SNX25: variants seen among roughly 807,000 people sequenced by gnomAD.
SNX25 encodes the protein sorting nexin 25, also known as sorting nexin-25.
Under a neutral mutation model 113.7 loss-of-function variants are expected in SNX25, and 62 were observed. That is an observed-to-expected ratio of 0.55 (90% CI 0.44 to 0.67). The LOEUF (loss-of-function observed/expected upper bound fraction) is 0.67. SNX25 is among the 30% of genes least tolerant of loss of function. The pLI, the probability that SNX25 is intolerant of heterozygous loss-of-function variation, is 0.00. For synonymous variants in SNX25, 421 were observed against 436.2 expected, an observed-to-expected ratio of 0.97 and a Z score of 0.43; for missense variants, 1,014 against 1,161.0, an observed-to-expected ratio of 0.87 and a Z score of 1.84.
chr4:185,298,474 A>AT (rs201560783), intron 6 of SNX25, among the ~76,000 whole-genome samples: 10 of 151,982 alleles, frequency 6.6e-5, no homozygotes, highest in South Asian at 2.1e-4. Context: ...AAGTCATGTG[A>AT]TTTTTTTTAA....
chr4:185,267,968 TCA>T (rs1748374186), intron 5 of SNX25, among the ~76,000 whole-genome samples: 2 of 152,200 alleles, frequency 1.3e-5, no homozygotes, highest in Admixed American at 1.3e-4. Flanking sequence ...GTCTTCATCC[TCA>T]TCTCTTCACA....
chr4:185,232,967 G>A lies in SNX25; in HGVS notation c.430-14327G>A, dbSNP rs1233249566. On this transcript the variant is annotated intron_variant, in intron 1 of 18. Coordinates refer to ENST00000652585, the MANE Select transcript of SNX25 (RefSeq NM_001378034.2). The surrounding 1 kb of genome is among the most constrained non-coding windows in gnomAD (Gnocchi z 4.4). The stretch of plus-strand genomic sequence containing the variant: ...TGGTGGTATGGCTCATTAGCTACCC[G>A]ATTATGAGTTTCCATCAAAAATAAA... Among the ~76,000 whole-genome samples the A allele has an allele frequency of 6.6e-6, 1 of 152,108 alleles. No homozygotes were observed. The highest frequency in any genetic ancestry group is 1.5e-5 in the Non-Finnish European group (1 of 68,020).
At chr4:185,312,829 T>C (rs1487543039) in intron 7 of SNX25, among the ~76,000 whole-genome samples, 1 of 152,186 alleles carries the variant, frequency 6.6e-6, no homozygotes, top group African/African-American at 2.4e-5. Flanking sequence ...CTGGCCTTGA[T>C]TTGTTCTTTT....
At chr4:185,212,760 G>A (rs1738154000) in intron 1 of SNX25, among the ~76,000 whole-genome samples, 1 of 152,210 alleles carries the variant, frequency 6.6e-6, no homozygotes. Context: ...ACACAGGTCA[G>A]CTAACATATG....
At chr4:185,214,170 C>T (rs550553447) in intron 1 of SNX25, among the ~76,000 whole-genome samples, 1 of 152,112 alleles carries the variant, frequency 6.6e-6, no homozygotes, top group South Asian at 2.1e-4. Context: ...CTAACATGCC[C>T]AGCCCTTAGA....
Position 185,264,599 on chromosome 4 carries a change from T to C in SNX25, c.893T>C (p.Leu298Pro). The change falls in exon 4 of 19, where the codon CTC (leucine) becomes CCC (proline). Residue 298 changes from leucine to proline, a missense_variant. Physicochemically the swap from Leu to Pro is moderately conservative, Grantham distance 98. Coordinates refer to ENST00000652585, the MANE Select transcript of SNX25 (RefSeq NM_001378034.2). ...LSLRIMLAEI[L>P]TTKVLKPVVE... Reference sequence around the variant, plus strand: ...TTACGTATAATGCTTGCAGAAATTCTCACAACAAAAGGTAGACTTATACAG... The same window carrying C: ...TTACGTATAATGCTTGCAGAAATTCCCACAACAAAAGGTAGACTTATACAG... 6.2e-7 allele frequency: 1 copy of C among 1,613,980 alleles called. No homozygotes were observed. The highest frequency in any genetic ancestry group is 1.1e-5 in the South Asian group (1 of 91,076).
chr4:185,209,115 G>T (rs1270342527), upstream of SNX25, among the ~76,000 whole-genome samples: 1 of 152,150 alleles, frequency 6.6e-6, no homozygotes, highest in Non-Finnish European at 1.5e-5. The surrounding 1 kb of genome is among the most constrained non-coding windows in gnomAD (Gnocchi z 5.2). Flanking sequence ...GGAATTGCAG[G>T]CTTCACTTAC....
intron 6 of SNX25, among the ~76,000 whole-genome samples, chr4:185,305,002 T>A (rs141137779): frequency 6.6e-6 from 1 of 152,220 alleles, no homozygotes; most frequent in African/African-American, 2.4e-5. Context: ...GGGTGCGGCC[T>A]TGTCCTCTGT....
At chr4:185,231,581 G>C (rs1171686380) in intron 1 of SNX25, among the ~76,000 whole-genome samples, 1 of 151,754 alleles carries the variant, frequency 6.6e-6, no homozygotes, top group African/African-American at 2.4e-5. Context: ...CTTGATGGTG[G>C]GCGCCTGTAG....
chr4:185,282,267 T>C (rs1353906370), intron 5 of SNX25, among the ~76,000 whole-genome samples: 2 of 152,126 alleles, frequency 1.3e-5, no homozygotes, highest in Non-Finnish European at 2.9e-5. Flanking sequence ...GTTCAAGCGA[T>C]TCCCCTGCCT....
chr4:185,325,590 G>A (rs991392186), intron 9 of SNX25, among the ~76,000 whole-genome samples: 1 of 151,514 alleles, frequency 6.6e-6, no homozygotes, highest in Admixed American at 6.6e-5. Context: ...TATTATATTG[G>A]TTTAATTATT....
intron 2 of SNX25, among the ~76,000 whole-genome samples, chr4:185,255,164 C>A (rs1008910020): frequency 2.6e-5 from 4 of 151,492 alleles, no homozygotes; most frequent in South Asian, 2.1e-4. Context: ...GACAGAGTCT[C>A]GCTCTGTCGC....
chr4:185,264,620 T>G lies in SNX25; in HGVS notation c.904+10T>G, dbSNP rs1021325987. The G allele has an allele frequency of 6.2e-7, 1 of 1,613,044 alleles. No individual in the cohort carries two copies. The highest frequency in any genetic ancestry group is 1.7e-5 in the Admixed American group (1 of 59,998). On this transcript the variant is annotated intron_variant, in intron 4 of 18. Transcript: ENST00000652585. ...ATTCTCACAACAAAAGGTAGACTTA[T>G]ACAGTTGATTTCACTAATTCAATAA...
rs563341819 is a variant in SNX25 at position 185,343,319 on chromosome 4, A to G, written c.2187+1203A>G. On this transcript the variant is annotated intron_variant, in intron 12 of 18. Transcript: ENST00000652585. ...ATATGTATATAAAGCATTTATAAGA[A>G]TGTGTGGCACATAGTAAACATCATT... Among the ~76,000 whole-genome samples the G allele has an allele frequency of 2.0e-5, 3 of 152,220 alleles. No homozygotes were observed. In the South Asian group the frequency reaches 6.2e-4, roughly 31 times the overall value.
downstream of SNX25, among the ~76,000 whole-genome samples, chr4:185,374,848 A>G (rs2095427825): frequency 6.6e-6 from 1 of 152,176 alleles, no homozygotes; most frequent in Non-Finnish European, 1.5e-5. Context: ...CAGCTTTCAC[A>G]TTTATAATTC....
Position 185,323,769 on chromosome 4 carries a change from C to A in SNX25, c.1718C>A (p.Ala573Asp), listed in dbSNP as rs141779032. The A allele has an allele frequency of 4.9e-5, 79 of 1,613,230 alleles. No homozygotes were observed. The African/African-American group carries it at 9.5e-4, about 19-fold the overall frequency. The change falls in exon 9 of 19, where the codon GCC (alanine) becomes GAC (aspartate). Residue 573 changes from alanine to aspartate, a missense_variant. Coordinates refer to ENST00000652585, the MANE Select transcript of SNX25 (RefSeq NM_001378034.2). Reference sequence around the variant, plus strand: ...TTGATAAAAGAGGAAGAAAAACATGCCTCACAGATGATTTCCAACAAGGAT... The same window carrying A: ...TTGATAAAAGAGGAAGAAAAACATGACTCACAGATGATTTCCAACAAGGAT... ...KLLIKEEEKH[A>D]SQMISNKDEM... is the part of the protein sequence containing the mutation.
chr4:185,315,858 G>T (rs2095070135), intron 7 of SNX25, among the ~76,000 whole-genome samples: 1 of 152,088 alleles, frequency 6.6e-6, no homozygotes, highest in African/African-American at 2.4e-5. Context: ...CCTGACAGTG[G>T]GTCCTTAGTA....
chr4:185,365,926 A>G (rs1214133428), downstream of SNX25: 1 of 152,224 alleles, frequency 6.6e-6, no homozygotes, highest in African/African-American at 2.4e-5. Context: ...AAGCCAGAAC[A>G]TAAAACGAGA....
At chr4:185,310,562 A>T in intron 6 of SNX25, 73 bp from the exon 7 acceptor site, 1 of 1,404,310 alleles carries the variant, frequency 7.1e-7, no homozygotes, top group Non-Finnish European at 9.7e-7. Flanking sequence ...GCAGACACTG[A>T]TCTGGTTCTG....
Sources: allele counts gnomAD v4.1 joint callset (sites outside exome capture counted in the v4.1 genomes callset), GRCh38; gene constraint gnomAD v4.1.1; non-coding constraint Gnocchi (gnomAD v3.1); transcripts MANE v1.5; gene names NCBI Gene and HGNC (gene_info 2026-07-23, HGNC 2026-07-21).